EIF4G1: variants seen among roughly 807,000 people sequenced by gnomAD.
The protein encoded by EIF4G1 is eukaryotic translation initiation factor 4 gamma 1.
Under a neutral mutation model 187.8 loss-of-function variants are expected in EIF4G1, and 4 were observed. The observed-to-expected ratio is 0.02, with a 90% confidence interval of 0.01 to 0.05. The LOEUF (loss-of-function observed/expected upper bound fraction) is 0.05. Among genes scored for constraint, EIF4G1 ranks in the 10% least tolerant of loss-of-function variants. The pLI, the probability that EIF4G1 is intolerant of heterozygous loss-of-function variation, is 1.00. For missense variants in EIF4G1, 1,647 were observed against 2,081.1 expected, an observed-to-expected ratio of 0.79 and a Z score of 4.06; for synonymous variants, 844 against 781.4, an observed-to-expected ratio of 1.08 and a Z score of -1.34.
intron 6 of EIF4G1, among the ~76,000 whole-genome samples, 181 bp downstream of exon 6, chr3:184,317,997 T>G (rs1286347220): frequency 6.6e-6 from 1 of 152,166 alleles, no homozygotes; most frequent in Non-Finnish European, 1.5e-5. Context: ...GGAGAAAATT[T>G]GATTTTATTG....
At position 184,335,079 on chromosome 3, in the gene EIF4G1, C is replaced by A; in HGVS notation, c.*171C>A. On this transcript the variant is annotated 3_prime_UTR_variant, in exon 33 of 33. Coordinates refer to ENST00000346169, the MANE Select transcript of EIF4G1 (RefSeq NM_198241.3). Reference sequence around the variant, plus strand: ...CAGGATGGCTTGGGGCTGCCTGGGCCCCCCTCCAGGATGCCGCCAGGTGTC... The same window carrying A: ...CAGGATGGCTTGGGGCTGCCTGGGCACCCCTCCAGGATGCCGCCAGGTGTC... 1.2e-6 allele frequency: 1 copy of A among 854,754 alleles called. No homozygotes were observed. The highest frequency in any genetic ancestry group is 1.8e-6 in the Non-Finnish European group (1 of 550,482). The allele number at this position is 854,754 out of a possible 1,614,324, so 52.9% of individuals were successfully genotyped here. A position where few individuals can be genotyped will look rare whatever the true frequency, so the allele number is the denominator to read the frequency against.
In EIF4G1 at chr3:184,319,678, C is replaced by A; in HGVS notation, c.425-11C>A. On this transcript the variant is annotated splice_polypyrimidine_tract_variant and intron_variant, in intron 6 of 32. Coordinates refer to ENST00000346169, the MANE Select transcript of EIF4G1 (RefSeq NM_198241.3). The stretch of plus-strand genomic sequence containing the variant: ...GCTACCACCATTCTTCTCCGTCCCC[C>A]CTCCCCCAAGCTGGCGCCTACTATC... The A allele has an allele frequency of 6.5e-7, 1 of 1,539,654 alleles. No homozygotes were observed. Among genetic ancestry groups the A allele is most frequent in the East Asian group, 2.3e-5 (1 of 42,980 alleles).
chr3:184,324,893 C>T lies in EIF4G1; in HGVS notation c.2635C>T (p.Arg879Cys), dbSNP rs1048788161. 7.4e-6 allele frequency: 12 copies of T among 1,613,774 alleles called. No homozygotes were observed. The highest frequency in any genetic ancestry group is 1.0e-5 in the Non-Finnish European group (12 of 1,180,044). ...TGAATGGCAGGCAGAGGAACGAGGA[C>T]GCCTGAAGGAAGAGCTGGAAGAGGC... ...DEAATAEERG[R>C]LKEELEEARD... The change falls in exon 18 of 33, where the codon CGC (arginine) becomes TGC (cysteine). Residue 879 changes from arginine (R) to cysteine (C), a missense_variant. This residue lies in a region of EIF4G1 where 40 missense variants were observed against 42.2 expected (regional missense o/e 0.95). Transcript: ENST00000346169.
intron 4 of EIF4G1, chr3:184,316,868 C>G (rs1438021899): frequency 1.1e-6 from 1 of 916,812 alleles, no homozygotes; most frequent in Non-Finnish European, 1.7e-6. Flanking sequence ...AGTTGGAGGC[C>G]GAGTGATGCA....
rs764359112 is a variant in EIF4G1, at chr3:184,320,739, G to A, written c.630+17G>A. The A allele has an allele frequency of 8.6e-5, 138 of 1,614,014 alleles. No homozygotes were observed. Among genetic ancestry groups the A allele is most frequent in the Non-Finnish European group, 1.1e-4 (129 of 1,180,028 alleles). On this transcript the variant is annotated intron_variant, in intron 8 of 32. Transcript: ENST00000346169. ...CCTCCCCAGGTACTGTCTGCTTTTCGAGTGATACCCTGGCTGGGATGTCTG... is the reference window on the plus strand; with the variant it reads ...CCTCCCCAGGTACTGTCTGCTTTTCAAGTGATACCCTGGCTGGGATGTCTG...
intron 28 of EIF4G1, among the ~76,000 whole-genome samples, chr3:184,329,468 T>G (rs766979105): frequency 6.6e-6 from 1 of 152,090 alleles, no homozygotes; most frequent in Non-Finnish European, 1.5e-5. Flanking sequence ...CCATCTCTAC[T>G]AAAAACACAA....
At position 184,326,908 on chromosome 3, in the gene EIF4G1, G is replaced by A; in HGVS notation, c.3353G>A (p.Ser1118Asn). ...AASEAARPAT[S>N]TLNRFSALQQ... ...TCAGAAGCTGCTCGCCCAGCTACTA[G>A]TACTTTGAATCGCTTCTCAGCCCTT... The change falls in exon 23 of 33, where the codon AGT becomes AAT. Residue 1118 changes from serine to asparagine, a missense_variant. Physicochemically the swap from Ser to Asn is conservative, Grantham distance 46 (BLOSUM62 1). Coordinates refer to ENST00000346169, the MANE Select transcript of EIF4G1 (RefSeq NM_198241.3). 1 of 1,614,236 alleles carries A rather than the reference G, an allele frequency of 6.2e-7. No individual in the cohort carries two copies. Among genetic ancestry groups the A allele is most frequent in the Non-Finnish European group, 8.5e-7 (1 of 1,180,044 alleles).
Position 184,325,430 on chromosome 3 carries a change from C to T in EIF4G1, c.2962-50C>T. On this transcript the variant is annotated intron_variant, in intron 19 of 32. Coordinates refer to ENST00000346169, the MANE Select transcript of EIF4G1 (RefSeq NM_198241.3). The surrounding 1 kb of genome is among the most constrained non-coding windows in gnomAD (Gnocchi z 5.2). ...TGCTGCCTCCAGTTTCTGACACTGC[C>T]TTGTCTTGCCTTCCCTGACATCATC... The T allele has an allele frequency of 6.2e-7, 1 of 1,614,192 alleles. No individual in the cohort carries two copies. Among genetic ancestry groups the T allele is most frequent in the Non-Finnish European group, 8.5e-7 (1 of 1,180,026 alleles).
chr3:184,319,654 C>G (rs770715795), intron 6 of EIF4G1, 35 bp from the exon 7 acceptor site: 2 of 1,357,002 alleles, frequency 1.5e-6, no homozygotes, highest in Non-Finnish European at 2.1e-6. Context: ...GGCCCTGACG[C>G]TACCACCATT....
At position 184,322,635 on chromosome 3, in the gene EIF4G1, C is replaced by A. The variant is rs140212150; in HGVS notation, c.1700C>A (p.Pro567His). 3.7e-6 allele frequency: 6 copies of A among 1,614,138 alleles called. No individual in the cohort carries two copies. Among genetic ancestry groups the A allele is most frequent in the Non-Finnish European group, 5.1e-6 (6 of 1,180,036 alleles). Residue 567 changes from proline to histidine, a missense_variant, in exon 12 of 33, where the codon CCT becomes CAT. Pro to His is a moderately conservative substitution (Grantham distance 77, BLOSUM62 -2). Transcript: ENST00000346169. ...ESEGSGVPPR[P>H]EEADETWDSK... ...GAGGGCAGTGGTGTGCCCCCACGTC[C>A]TGAGGAAGCAGATGAGACCTGGGAC...
At position 184,325,153 on chromosome 3, in the gene EIF4G1, A is replaced by G; in HGVS notation, c.2856+39A>G. On this transcript the variant is annotated intron_variant, in intron 18 of 32. Transcript: ENST00000346169. This position sits in a 1 kb window ranked among gnomAD's most constrained non-coding sequence, Gnocchi z 5.2. ...CATCTGGAGGGGGATGGGCTGAAGC[A>G]TATGTGGGGCTCACTGAGCCCACAA... 1.2e-6 allele frequency: 2 copies of G among 1,608,846 alleles called. No homozygotes were observed. Among genetic ancestry groups the G allele is most frequent in the Non-Finnish European group, 1.7e-6 (2 of 1,175,314 alleles).
intron 17 of EIF4G1, 103 bp from the exon 18 acceptor site, chr3:184,324,775 A>G (rs1724562143): frequency 1.5e-6 from 2 of 1,306,740 alleles, no homozygotes; most frequent in Non-Finnish European, 2.2e-6. Context: ...AGCCGGCCTC[A>G]GGACTGAGTG....
In EIF4G1 at chr3:184,321,336, A is replaced by G; in HGVS notation, c.752A>G (p.Glu251Gly). 6.2e-7 allele frequency: 1 copy of G among 1,614,148 alleles called. No homozygotes were observed. ...IADRPGLPGP[E>G]HSPSESQPSS... The stretch of plus-strand genomic sequence containing the variant: ...GACCGGCCAGGGCTGCCTGGCCCAG[A>G]GCATAGCCCTTCAGAATCCCAGCCT... Residue 251 changes from glutamate (E) to glycine (G), a missense_variant, in exon 10 of 33, where the codon GAG becomes GGG. Coordinates refer to ENST00000346169, the MANE Select transcript of EIF4G1 (RefSeq NM_198241.3).
Position 184,324,291 on chromosome 3 carries a change from AAAG to A in EIF4G1, c.2565_2567del (p.Lys855_Asp856delinsAsn). 6.2e-7 allele frequency: 1 copy of A among 1,614,256 alleles called. No homozygotes were observed. The highest frequency in any genetic ancestry group is 8.5e-7 in the Non-Finnish European group (1 of 1,180,046). ...ATGTCAGAAGGAGTTTGAGAAAGAC[AAAG>A]ATGATGATGAGGTTTTTGAGAAGAA... On this transcript the variant is annotated inframe_deletion, in exon 17 of 33. Transcript: ENST00000346169.
chr3:184,322,222 G>A (rs1724023779), intron 10 of EIF4G1, 119 bp downstream of exon 10: 2 of 1,562,414 alleles, frequency 1.3e-6, no homozygotes, highest in African/African-American at 2.7e-5. Flanking sequence ...CTAAGAACTA[G>A]ATTAAGGACT....
chr3:184,329,115 C>T (rs1725528745), intron 28 of EIF4G1, 125 bp downstream of exon 28: 1 of 1,180,284 alleles, frequency 8.5e-7, no homozygotes, highest in Non-Finnish European at 1.2e-6. Context: ...TGTGTTGGTA[C>T]CTGGGAGAGG....
intron 7 of EIF4G1, among the ~76,000 whole-genome samples, chr3:184,320,009 C>T (rs906199104): frequency 6.6e-5 from 10 of 152,160 alleles, no homozygotes; most frequent in African/African-American, 1.4e-4. Context: ...AAGTGCCTAG[C>T]GAGGAAGTTC....
At position 184,319,770 on chromosome 3, in the gene EIF4G1, C is replaced by T. The variant is rs1372432903; in HGVS notation, c.506C>T (p.Pro169Leu). 6.2e-7 allele frequency: 1 copy of T among 1,606,772 alleles called. No individual in the cohort carries two copies. Residue 169 changes from proline (P) to leucine (L), a missense_variant, in exon 7 of 33, where the codon CCC (proline) becomes CTC (leucine). By Grantham distance (98) the Pro-to-Leu change is moderately conservative. This residue lies in a region of EIF4G1 where 139 missense variants were observed against 187.3 expected (regional missense o/e 0.74). Coordinates refer to ENST00000346169, the MANE Select transcript of EIF4G1 (RefSeq NM_198241.3). ...APTPVLMNQP[P>L]QIAPKRERKT... ...ACCCCAGTTTTGATGAACCAGCCAC[C>T]CCAGATTGCTCCCAAGAGGGAGCGT... is the stretch of plus-strand genomic sequence containing the variant.
chr3:184,325,787 G>GC lies in EIF4G1; in HGVS notation c.3122-61dup. The stretch of plus-strand genomic sequence containing the variant: ...ATCTGAGGAAGGGAGGCTGGGGGTG[G>GC]CCCAAGGGGAAGGGGCTGCTAGGAT... On this transcript the variant is annotated intron_variant, in intron 20 of 32. Coordinates refer to ENST00000346169, the MANE Select transcript of EIF4G1 (RefSeq NM_198241.3). The surrounding 1 kb of genome is among the most constrained non-coding windows in gnomAD (Gnocchi z 5.2). 6.2e-7 allele frequency: 1 copy of GC among 1,612,590 alleles called. No individual in the cohort carries two copies. Among genetic ancestry groups the GC allele is most frequent in the Non-Finnish European group, 8.5e-7 (1 of 1,178,608 alleles).
Sources: gnomAD v4.1 joint callset for allele counts (sites outside exome capture counted in the v4.1 genomes callset) on GRCh38, gnomAD v4.1.1 for gene constraint, gnomAD v4.1.1 regional missense constraint, Gnocchi (gnomAD v3.1) non-coding constraint, MANE v1.5 for transcripts, NCBI Gene and HGNC (gene_info 2026-07-23, HGNC 2026-07-21) for gene names.